The following LRRIQ1 variants were observed in gnomAD, a reference collection of about 807,000 sequenced individuals.
LRRIQ1 encodes the protein leucine-rich repeat- and IQ domain-containing protein 1.
In LRRIQ1, 210 loss-of-function variants were observed where a neutral mutation model predicts 211.9. The observed-to-expected ratio is 0.99, with a 90% CI of 0.89 to 1.11. The LOEUF (loss-of-function observed/expected upper bound fraction) is 1.11. LRRIQ1 is among the 50% of genes most tolerant of loss of function. LRRIQ1 has a pLI of 0.00. For missense variants in LRRIQ1, 2,136 were observed against 1,939.5 expected, an observed-to-expected ratio of 1.10 and a Z score of -1.90; for synonymous variants, 699 against 650.1, an observed-to-expected ratio of 1.08 and a Z score of -1.14.
chr12:85,166,627 C>A (rs1891166711), intron 24 of LRRIQ1, among the ~76,000 whole-genome samples: 1 of 150,814 alleles, frequency 6.6e-6, no homozygotes, highest in Non-Finnish European at 1.5e-5. Context: ...TAAAGGAGGT[C>A]TTGCATTTCC....
intron 19 of LRRIQ1, among the ~76,000 whole-genome samples, chr12:85,143,395 A>G (rs1284235273): frequency 1.3e-5 from 2 of 151,606 alleles, no homozygotes; most frequent in East Asian, 3.9e-4. Context: ...ATGTTCTCCC[A>G]TTATGTAGGT....
intron 1 of LRRIQ1, among the ~76,000 whole-genome samples, chr12:85,254,231 ACCACGAG>A (rs1437278707): frequency 1.1e-4 from 16 of 152,098 alleles, no homozygotes; most frequent in African/African-American, 3.4e-4. Flanking sequence ...AGCCTGCAGA[ACCACGAG>A]CCAATTAAAC....
chr12:85,239,715 C>T (rs1313055280), intron 26 of LRRIQ1, among the ~76,000 whole-genome samples: 3 of 143,962 alleles, frequency 2.1e-5, no homozygotes, highest in Admixed American at 2.0e-4. Flanking sequence ...TGGTGGCTCG[C>T]GCTTGTAATT....
chr12:85,213,195 G>A, intron 24 of LRRIQ1, among the ~76,000 whole-genome samples: 1 of 151,736 alleles, frequency 6.6e-6, no homozygotes, highest in East Asian at 1.9e-4. Context: ...AAAAGCTGGT[G>A]TTCTTATATT....
intron 24 of LRRIQ1, among the ~76,000 whole-genome samples, chr12:85,170,326 T>C (rs1891355685): frequency 6.6e-6 from 1 of 150,906 alleles, no homozygotes; most frequent in South Asian, 2.1e-4. Flanking sequence ...TTACATCACA[T>C]AATAAAGGAA....
intron 1 of LRRIQ1, among the ~76,000 whole-genome samples, chr12:85,258,075 T>C (rs1896173821): frequency 6.6e-6 from 1 of 151,902 alleles, no homozygotes; most frequent in African/African-American, 2.4e-5. Flanking sequence ...TTTATCAAAA[T>C]GAGATTCCCA....
At position 85,103,983 on chromosome 12, in the gene LRRIQ1, AGTTTTT is replaced by A. The variant is rs760759317; in HGVS notation, c.3210-9_3210-4del. On this transcript the variant is annotated splice_polypyrimidine_tract_variant and intron_variant, in intron 13 of 26. Transcript: ENST00000393217. ...ACTTTCCAATTTAGAATTTTGATGA[AGTTTTT>A]GTTTTTGTTTTCAGCTTGACTAAAA... 1.3e-6 allele frequency: 2 copies of A among 1,499,790 alleles called. No homozygotes were observed. Among genetic ancestry groups the A allele is most frequent in the Non-Finnish European group, 1.8e-6 (2 of 1,097,650 alleles). 92.9% of individuals were successfully genotyped at this position (1,499,790 alleles called of 1,614,324 possible).
chr12:85,229,493 A>G (rs757295951), intron 24 of LRRIQ1, 24 bp from the exon 25 acceptor site: 7 of 1,584,650 alleles, frequency 4.4e-6, no homozygotes, highest in South Asian at 1.2e-5. Context: ...AATAATAAGT[A>G]CACGTTCCAT....
At chr12:85,075,696 C>G (rs1359264992) in intron 11 of LRRIQ1, among the ~76,000 whole-genome samples, 1 of 151,946 alleles carries the variant, frequency 6.6e-6, no homozygotes, top group Non-Finnish European at 1.5e-5. Context: ...GAGATCTGGA[C>G]AGGGACAAAT....
chr12:85,174,138 A>C (rs1891564976), intron 24 of LRRIQ1, among the ~76,000 whole-genome samples: 1 of 152,218 alleles, frequency 6.6e-6, no homozygotes, highest in Admixed American at 6.5e-5. Flanking sequence ...TACCAGATGA[A>C]AAACATCTTC....
intron 19 of LRRIQ1, among the ~76,000 whole-genome samples, chr12:85,151,589 A>G (rs1277239587): frequency 1.3e-5 from 2 of 151,730 alleles, no homozygotes; most frequent in South Asian, 2.1e-4. Context: ...CCTAAATTAT[A>G]CAACACTAAT....
At chr12:85,216,194 C>A (rs1894071412) in intron 24 of LRRIQ1, among the ~76,000 whole-genome samples, 1 of 152,096 alleles carries the variant, frequency 6.6e-6, no homozygotes, top group South Asian at 2.1e-4. Flanking sequence ...CTGACAGGCC[C>A]CGGTGTGTGA....
intron 14 of LRRIQ1, among the ~76,000 whole-genome samples, 164 bp from the exon 15 acceptor site, chr12:85,106,358 G>A (rs1886783345): frequency 6.6e-6 from 1 of 152,168 alleles, no homozygotes; most frequent in Non-Finnish European, 1.5e-5. Flanking sequence ...ACAATAGTCT[G>A]TGTCCTTAAC....
intron 24 of LRRIQ1, among the ~76,000 whole-genome samples, chr12:85,227,925 G>T (rs978612961): frequency 6.6e-6 from 1 of 152,156 alleles, no homozygotes; most frequent in Non-Finnish European, 1.5e-5. Context: ...ATGGGGAAAA[G>T]ATTCCCTATT....
At chr12:85,074,487 GT>G (rs980545125) in intron 11 of LRRIQ1, among the ~76,000 whole-genome samples, 6 of 151,734 alleles carry the variant, frequency 4.0e-5, no homozygotes, top group African/African-American at 1.5e-4. Flanking sequence ...GTAAAATTAA[GT>G]TATTATTAAC....
intron 24 of LRRIQ1, among the ~76,000 whole-genome samples, chr12:85,192,318 C>A (rs1247223510): frequency 1.4e-5 from 2 of 147,110 alleles, no homozygotes; most frequent in African/African-American, 5.0e-5. Flanking sequence ...CCATTCATGT[C>A]ACTGCAAAGG....
At chr12:85,049,983 C>T (rs1880104099) in intron 6 of LRRIQ1, among the ~76,000 whole-genome samples, 1 of 152,126 alleles carries the variant, frequency 6.6e-6, no homozygotes, top group Admixed American at 6.5e-5. Context: ...CTCTCTCTGT[C>T]CTTGTGTTTT....
At chr12:85,214,494 G>A (rs1271677900) in intron 24 of LRRIQ1, among the ~76,000 whole-genome samples, 1 of 152,084 alleles carries the variant, frequency 6.6e-6, no homozygotes, top group African/African-American at 2.4e-5. Flanking sequence ...ATGTGATATG[G>A]TATGATATGG....
At chr12:85,250,958 T>C (rs1477774639) in intron 1 of LRRIQ1, among the ~76,000 whole-genome samples, 13 of 112,780 alleles carry the variant, frequency 1.2e-4, no homozygotes, top group South Asian at 2.3e-4. Flanking sequence ...TTATATATTA[T>C]ATATTATATT....
Sources: allele counts gnomAD v4.1 joint callset (sites outside exome capture counted in the v4.1 genomes callset), GRCh38; gene constraint gnomAD v4.1.1; transcripts MANE v1.5; gene names NCBI Gene and HGNC (gene_info 2026-07-23, HGNC 2026-07-21).